Variants in WDFY1 observed in about 807,000 individuals in gnomAD.
WDFY1 encodes WD repeat and FYVE domain-containing protein 1.
Under a neutral mutation model 56.4 loss-of-function variants are expected in WDFY1, and 32 were observed. That is an observed-to-expected ratio of 0.57 (90% CI 0.43 to 0.76). The LOEUF (loss-of-function observed/expected upper bound fraction) is 0.76, where lower values mean the gene tolerates loss of function less well. Among genes scored for constraint, WDFY1 ranks in the 30% least tolerant of loss-of-function variants. WDFY1 has a pLI of 0.00. For synonymous variants in WDFY1, 192 were observed against 197.3 expected (o/e 0.97, Z 0.23); for missense variants, 480 against 545.7 (o/e 0.88, Z 1.20).
chr2:223,919,620 CCA>C (rs896292859), intron 1 of WDFY1, among the ~76,000 whole-genome samples: 6 of 152,198 alleles, frequency 3.9e-5, no homozygotes, highest in African/African-American at 1.2e-4. Context: ...AGCAATCCTC[CCA>C]CCTCAGGACC....
chr2:223,934,081 C>CT lies in WDFY1; in HGVS notation c.137+11066dup, dbSNP rs201021204. ...TAAGGAATAGCAGCCTTTTTCTTTT[C>CT]TTTTTTTTTTTTTTTTTTTTTTTGA... On this transcript the variant is annotated intron_variant, in intron 1 of 11. Transcript: ENST00000233055. Among the ~76,000 whole-genome samples the CT allele has an allele frequency of 6.5e-3, 884 of 135,908 alleles. 11 individuals are homozygous for CT. Among genetic ancestry groups the CT allele is most frequent in the African/African-American group, 0.021 (755 of 35,788 alleles). 89.2% of individuals were successfully genotyped at this position (135,908 alleles called of 152,430 possible).
At chr2:223,878,803 A>G in intron 11 of WDFY1, 73 bp from the exon 12 acceptor site, 2 of 1,555,976 alleles carry the variant, frequency 1.3e-6, no homozygotes, top group East Asian at 2.3e-5. Flanking sequence ...AACACAGACA[A>G]ACAAACGACT....
At chr2:223,905,453 G>A (rs767849180) in intron 4 of WDFY1, among the ~76,000 whole-genome samples, 6 of 152,118 alleles carry the variant, frequency 3.9e-5, no homozygotes, top group Admixed American at 2.0e-4. Flanking sequence ...TCAGGAGTTC[G>A]AGACCAGCTT....
rs1397441027 is a variant in WDFY1, at chr2:223,894,238, T to C, written c.827A>G (p.Glu276Gly). The C allele has an allele frequency of 6.2e-7, 1 of 1,614,146 alleles. No individual in the cohort carries two copies. Among genetic ancestry groups the C allele is most frequent in the Non-Finnish European group, 8.5e-7 (1 of 1,179,974 alleles). The change falls in exon 8 of 12, where the codon GAA becomes GGA. Residue 276 changes from glutamate (E) to glycine (G), a missense_variant. By Grantham distance (98) the Glu-to-Gly change is moderately conservative (BLOSUM62 -2). Transcript: ENST00000233055. The part of the protein sequence containing the change: ...IAVWNMDVSR[E>G]EAPQWLESDS... The stretch of plus-strand genomic sequence containing the variant: ...GGACTTGCCCTTGTCTCTTACCTCT[T>C]CTCTGCTAACATCCATGTTCCACAC...
At chr2:223,917,914 C>A (rs1162818907) in intron 2 of WDFY1, 29 bp downstream of exon 2, 2 of 1,609,802 alleles carry the variant, frequency 1.2e-6, no homozygotes, top group Non-Finnish European at 1.7e-6. Context: ...AGAGACATTT[C>A]TCTCAAATGG....
intron 9 of WDFY1, among the ~76,000 whole-genome samples, chr2:223,883,081 C>T (rs1388413121): frequency 6.6e-6 from 1 of 152,106 alleles, no homozygotes; most frequent in East Asian, 1.9e-4. Context: ...GACGGGGTCT[C>T]ATCATGTTGC....
intron 1 of WDFY1, among the ~76,000 whole-genome samples, chr2:223,943,659 G>A (rs1460075408): frequency 1.3e-5 from 2 of 152,164 alleles, no homozygotes; most frequent in Non-Finnish European, 2.9e-5. Flanking sequence ...ATAAACATCA[G>A]TCATTTCCTT....
intron 1 of WDFY1, among the ~76,000 whole-genome samples, chr2:223,940,735 C>T (rs546783552): frequency 1.3e-5 from 2 of 152,090 alleles, no homozygotes; most frequent in East Asian, 1.9e-4. Context: ...CTCCGCCTCC[C>T]AGGTTCAAGT....
intron 3 of WDFY1, among the ~76,000 whole-genome samples, chr2:223,907,304 A>G (rs1189490939): frequency 6.6e-6 from 1 of 152,170 alleles, no homozygotes; most frequent in African/African-American, 2.4e-5. Context: ...TCAATGCTAA[A>G]TTGACATGGA....
intron 1 of WDFY1, among the ~76,000 whole-genome samples, chr2:223,931,676 A>ATTTT: frequency 1.0e-5 from 1 of 99,906 alleles, no homozygotes; most frequent in Non-Finnish European, 2.2e-5. Context: ...AGTCATTAAT[A>ATTTT]TTTTTCTTTC....
intron 8 of WDFY1, 133 bp from the exon 9 acceptor site, chr2:223,884,882 C>A: frequency 1.4e-6 from 1 of 718,402 alleles, no homozygotes; most frequent in Non-Finnish European, 2.2e-6. Context: ...TTTTGGTCTC[C>A]CAGGCTGGAG....
intron 1 of WDFY1, among the ~76,000 whole-genome samples, chr2:223,918,515 C>CA (rs1409399674): frequency 6.6e-6 from 1 of 151,902 alleles, no homozygotes; most frequent in African/African-American, 2.4e-5. Context: ...CCTGTAGTCC[C>CA]AGCTACTCAG....
At chr2:223,896,116 A>AGG (rs1303689200) in intron 6 of WDFY1, among the ~76,000 whole-genome samples, 237 of 134,034 alleles carry the variant, frequency 1.8e-3, no homozygotes, top group Middle Eastern at 0.012. Context: ...AGATAGCACC[A>AGG]CTGCGCTCCA....
chr2:223,895,468 C>T (rs1427456934), intron 7 of WDFY1, 36 bp downstream of exon 7: 7 of 1,613,400 alleles, frequency 4.3e-6, no homozygotes, highest in South Asian at 1.1e-5. Context: ...CCCACTAACT[C>T]GGATTCTTTC....
At position 223,936,358 on chromosome 2, in the gene WDFY1, G is replaced by A. The variant is rs890450174; in HGVS notation, c.137+8790C>T. 5.9e-5 allele frequency among the ~76,000 whole-genome samples: 9 copies of A among 152,092 alleles called. No homozygotes were observed. The South Asian group carries it at 1.0e-3, about 18-fold the overall frequency. ...ATTACAGGCATGAGCCACTGCGCCC[G>A]GCCCCCAAAGTCCTTTTACAGACAT... is the stretch of plus-strand genomic sequence containing the variant. On this transcript the variant is annotated intron_variant, in intron 1 of 11. Coordinates refer to ENST00000233055, the MANE Select transcript of WDFY1 (RefSeq NM_020830.5).
At chr2:223,923,653 C>T (rs539637600) in intron 1 of WDFY1, among the ~76,000 whole-genome samples, 2 of 151,882 alleles carry the variant, frequency 1.3e-5, no homozygotes, top group Admixed American at 6.6e-5. Context: ...CCCAGCTACT[C>T]GGGAGGCTGA....
intron 1 of WDFY1, among the ~76,000 whole-genome samples, chr2:223,921,102 C>G (rs1483009561): frequency 6.6e-6 from 1 of 152,148 alleles, no homozygotes; most frequent in African/African-American, 2.4e-5. Context: ...AGGGGAACAT[C>G]AAGGCTCCGG....
At chr2:223,917,721 C>T (rs1388514801) in intron 2 of WDFY1, among the ~76,000 whole-genome samples, 1 of 152,062 alleles carries the variant, frequency 6.6e-6, no homozygotes, top group Non-Finnish European at 1.5e-5. Context: ...TACAGGCGCA[C>T]ACCACCACGC....
intron 4 of WDFY1, among the ~76,000 whole-genome samples, chr2:223,904,018 G>A (rs996931588): frequency 2.0e-5 from 3 of 152,094 alleles, no homozygotes; most frequent in African/African-American, 7.2e-5. Flanking sequence ...CAAACTCGTA[G>A]GTATATACCT....
Sources: allele counts gnomAD v4.1 joint callset (sites outside exome capture counted in the v4.1 genomes callset), GRCh38; gene constraint gnomAD v4.1.1; transcripts MANE v1.5; gene names NCBI Gene and HGNC (gene_info 2026-07-23, HGNC 2026-07-21).